Variants in IMPA2 observed in about 807,000 individuals in gnomAD.
IMPA2 encodes inositol monophosphatase 2.
IMPA2 carries 32 observed loss-of-function variants against 35.1 expected under a neutral mutation model. The observed-to-expected ratio is 0.91, with a 90% confidence interval of 0.69 to 1.23. The LOEUF is 1.23. IMPA2 is among the 50% of genes most tolerant of loss of function. The pLI, the probability that IMPA2 is intolerant of heterozygous loss-of-function variation, is 0.00. For missense variants in IMPA2, 334 were observed against 387.6 expected, an observed-to-expected ratio of 0.86 and a Z score of 1.16; for synonymous variants, 135 against 160.6, an observed-to-expected ratio of 0.84 and a Z score of 1.20.
At chr18:12,020,444 C>T (rs1490512646) in intron 5 of IMPA2, among the ~76,000 whole-genome samples, 5 of 152,206 alleles carry the variant, frequency 3.3e-5, no homozygotes, top group Admixed American at 6.5e-5. Context: ...CTGCCCGCCT[C>T]GGCCTCCCAA....
rs746441631 is a variant in IMPA2 at position 11,985,295 on chromosome 18, A to G, written c.96+3530A>G. On this transcript the variant is annotated intron_variant, in intron 1 of 7. Coordinates refer to ENST00000269159, the MANE Select transcript of IMPA2 (RefSeq NM_014214.3). ...ATATCACGAAATACACAAAAATAAC[A>G]ATTCTTTCACTGCTTCTCATACTTC... 5.9e-5 allele frequency among the ~76,000 whole-genome samples: 9 copies of G among 152,326 alleles called. No homozygotes were observed. The South Asian group carries it at 1.0e-3, about 18-fold the overall frequency.
intron 5 of IMPA2, among the ~76,000 whole-genome samples, chr18:12,015,500 G>T (rs888884966): frequency 1.3e-5 from 2 of 151,340 alleles, no homozygotes; most frequent in East Asian, 1.9e-4. Context: ...GGCCAGGATG[G>T]ATGAGGTGTC....
At chr18:12,002,634 G>A (rs546715455) in intron 2 of IMPA2, among the ~76,000 whole-genome samples, 8 of 151,976 alleles carry the variant, frequency 5.3e-5, no homozygotes, top group Admixed American at 2.6e-4. Flanking sequence ...AATCAGCTGG[G>A]CATGCTGGTG....
At chr18:11,987,402 C>T (rs961998103) in intron 1 of IMPA2, among the ~76,000 whole-genome samples, 1 of 152,206 alleles carries the variant, frequency 6.6e-6, no homozygotes, top group Non-Finnish European at 1.5e-5. Flanking sequence ...GTGATCTTGG[C>T]TCATCAAAAC....
chr18:11,983,587 G>T (rs1367365308), intron 1 of IMPA2, among the ~76,000 whole-genome samples: 1 of 152,162 alleles, frequency 6.6e-6, no homozygotes, highest in Non-Finnish European at 1.5e-5. Flanking sequence ...TTTAACTTAA[G>T]AGATATTTTA....
At position 11,981,620 on chromosome 18, in the gene IMPA2, C is replaced by T. The variant is rs1568023696; in HGVS notation, c.-50C>T. The stretch of plus-strand genomic sequence containing the variant: ...CGGGACGGCGGGATCCGGTGGGAGC[C>T]GGAGTCCCGCCGAGGGGGGCTGGAG... On this transcript the variant is annotated 5_prime_UTR_variant, in exon 1 of 8. Transcript: ENST00000269159. The T allele has an allele frequency of 4.3e-6, 5 of 1,168,516 alleles. No homozygotes were observed. Among genetic ancestry groups the T allele is most frequent in the Non-Finnish European group, 3.2e-6 (3 of 932,232 alleles). 72.4% of individuals were successfully genotyped at this position (1,168,516 alleles called of 1,614,324 possible).
intron 1 of IMPA2, among the ~76,000 whole-genome samples, chr18:11,997,007 C>CA (rs1906977565): frequency 1.3e-5 from 2 of 152,108 alleles, no homozygotes; most frequent in South Asian, 4.2e-4. Flanking sequence ...GCAACACACA[C>CA]ACACACACAG....
In IMPA2 at chr18:12,018,192, G is replaced by A. The variant is rs148393235; in HGVS notation, c.490+3819G>A. On this transcript the variant is annotated intron_variant, in intron 5 of 7. Coordinates refer to ENST00000269159, the MANE Select transcript of IMPA2 (RefSeq NM_014214.3). ...CTGACCTCAGGTGATCCACCCGCCC[G>A]GGCCTCCCAAAGTATTGGGATTACA... 7.1e-3 allele frequency: 1,087 copies of A among 152,612 alleles called. 11 individuals are homozygous for A. Among genetic ancestry groups the A allele is most frequent in the African/African-American group, 0.024 (1,010 of 41,512 alleles). The allele number at this position is 152,612 out of a possible 1,614,324, so 9.5% of individuals were successfully genotyped here.
Position 11,999,259 on chromosome 18 carries a change from G to A in IMPA2, c.230+72G>A, listed in dbSNP as rs944406340. On this transcript the variant is annotated intron_variant, in intron 2 of 7. Transcript: ENST00000269159. ...TCATAGAGAATGCAGGGTCTGCCGG[G>A]GTCAGGGGGCTCTGCTGTTTGTTGA... The A allele has an allele frequency of 4.1e-6, 6 of 1,462,782 alleles. No individual in the cohort carries two copies. In the African/African-American group the frequency reaches 5.7e-5, roughly 14 times the overall value. The allele number at this position is 1,462,782 out of a possible 1,614,324, so 90.6% of individuals were successfully genotyped here.
intron 2 of IMPA2, 76 bp downstream of exon 2, chr18:11,999,263 A>C (rs1907052017): frequency 1.4e-6 from 2 of 1,438,940 alleles, no homozygotes; most frequent in East Asian, 4.8e-5. Context: ...TGCCGGGGTC[A>C]GGGGGCTCTG....
intron 2 of IMPA2, 22 bp downstream of exon 2, chr18:11,999,209 A>G (rs755567980): frequency 1.2e-6 from 2 of 1,608,202 alleles, no homozygotes; most frequent in Non-Finnish European, 1.7e-6. Context: ...CCTCTGGGAA[A>G]CACCCCCAGT....
intron 5 of IMPA2, among the ~76,000 whole-genome samples, chr18:12,018,692 G>C (rs998729671): frequency 1.3e-5 from 2 of 152,072 alleles, no homozygotes; most frequent in African/African-American, 4.8e-5. Flanking sequence ...AAATAAGAAA[G>C]CTTTAGTGAG....
chr18:11,985,613 C>T (rs1568025214), intron 1 of IMPA2, among the ~76,000 whole-genome samples: 1 of 152,086 alleles, frequency 6.6e-6, no homozygotes, highest in Non-Finnish European at 1.5e-5. Flanking sequence ...TGGCTCTGTG[C>T]AGTTGAAATC....
chr18:12,026,291 C>G (rs1171520810), intron 5 of IMPA2, among the ~76,000 whole-genome samples: 1 of 152,126 alleles, frequency 6.6e-6, no homozygotes, highest in Admixed American at 6.6e-5. Flanking sequence ...CCTCAGCCTC[C>G]CAAAATGTTG....
intron 1 of IMPA2, among the ~76,000 whole-genome samples, chr18:11,993,133 C>T (rs919393294): frequency 2.5e-4 from 38 of 152,126 alleles, no homozygotes; most frequent in African/African-American, 8.9e-4. Flanking sequence ...CCTTTTCATA[C>T]AATACCTCAT....
chr18:12,023,777 C>G (rs187422358), intron 5 of IMPA2, among the ~76,000 whole-genome samples: 2 of 152,162 alleles, frequency 1.3e-5, no homozygotes, highest in Non-Finnish European at 2.9e-5. Flanking sequence ...ATTTCACTGT[C>G]CTGATTTTAC....
chr18:12,023,658 G>A lies in IMPA2; in HGVS notation c.491-4385G>A, dbSNP rs115646904. 7.1e-3 allele frequency among the ~76,000 whole-genome samples: 1,079 copies of A among 152,268 alleles called. 11 individuals are homozygous for A. The highest frequency in any genetic ancestry group is 0.024 in the African/African-American group (1,005 of 41,548). The stretch of plus-strand genomic sequence containing the variant: ...AAGAGTAGGTGCTTATCTCCCAATG[G>A]AAATTGATTGCTCAGCTTCCTAGTT... On this transcript the variant is annotated intron_variant, in intron 5 of 7. Transcript: ENST00000269159.
chr18:12,012,431 C>G (rs1444850590), intron 4 of IMPA2: 1 of 575,864 alleles, frequency 1.7e-6, no homozygotes, highest in Non-Finnish European at 3.1e-6. Context: ...TGGCCCTTGT[C>G]CCCCGTGGAG....
At chr18:12,004,469 G>A (rs150886212) in intron 2 of IMPA2, among the ~76,000 whole-genome samples, 1 of 151,474 alleles carries the variant, frequency 6.6e-6, no homozygotes, top group Non-Finnish European at 1.5e-5. Flanking sequence ...TTGGATAGAC[G>A]TATGGAATGT....
Sources: allele counts gnomAD v4.1 joint callset (sites outside exome capture counted in the v4.1 genomes callset), GRCh38; gene constraint gnomAD v4.1.1; transcripts MANE v1.5; gene names NCBI Gene and HGNC (gene_info 2026-07-23, HGNC 2026-07-21).